Variants in NUDT3 observed in about 807,000 individuals in gnomAD.
The protein encoded by NUDT3 is diphosphoinositol polyphosphate phosphohydrolase 1.
A neutral mutation model predicts 23.6 loss-of-function variants in NUDT3; 9 were observed. The observed-to-expected ratio is 0.38, with a 90% CI of 0.23 to 0.66. NUDT3 has a LOEUF of 0.66. NUDT3 is among the 30% of genes least tolerant of loss of function. The pLI, the probability that NUDT3 is intolerant of heterozygous loss-of-function variation, is 0.52. For missense variants in NUDT3, 172 were observed against 218.5 expected (o/e 0.79, Z 1.34); for synonymous variants, 86 against 82.6 (o/e 1.04, Z -0.22).
At chr6:34,289,246 C>T (rs1763381234) in intron 4 of NUDT3, among the ~76,000 whole-genome samples, 1 of 152,116 alleles carries the variant, frequency 6.6e-6, no homozygotes, top group Non-Finnish European at 1.5e-5. Flanking sequence ...GGGATCAAAG[C>T]CCAGCAGCAT....
rs952081226 is a variant in NUDT3 at position 34,392,524 on chromosome 6, C to T, written c.-162G>A. 2 of 491,372 alleles carry T rather than the reference C, an allele frequency of 4.1e-6. No individual in the cohort carries two copies. Among genetic ancestry groups the T allele is most frequent in the Admixed American group, 4.5e-5 (1 of 22,386 alleles). 30.4% of individuals were successfully genotyped at this position (491,372 alleles called of 1,614,324 possible). A position where few individuals can be genotyped will look rare whatever the true frequency, so the allele number is the denominator to read the frequency against. The stretch of plus-strand genomic sequence containing the variant: ...TCCGCCGCTGGCCCGCCGCGGCCGC[C>T]TCATTCCCCCAGGCCCAGGTCCCGC... On this transcript the variant is annotated 5_prime_UTR_variant, in exon 1 of 5. Transcript: ENST00000607016.
intron 2 of NUDT3, among the ~76,000 whole-genome samples, chr6:34,301,259 T>C (rs1763593050): frequency 6.7e-6 from 1 of 149,044 alleles, no homozygotes; most frequent in South Asian, 2.1e-4. Flanking sequence ...CCTCCAGATA[T>C]TTTCAAGTTG....
chr6:34,392,380 G>A lies in NUDT3; in HGVS notation c.-18C>T. ...TTCATCATCCTCCGGGCCCGGGTGG[G>A]GGTGCGGTGCGGGTCGCAGGAGTCG... On this transcript the variant is annotated 5_prime_UTR_variant, in exon 1 of 5. Coordinates refer to ENST00000607016, the MANE Select transcript of NUDT3 (RefSeq NM_006703.4). The A allele has an allele frequency of 6.3e-7, 1 of 1,591,464 alleles. No homozygotes were observed. Among genetic ancestry groups the A allele is most frequent in the Non-Finnish European group, 8.5e-7 (1 of 1,170,526 alleles).
rs893736722 is a variant in NUDT3 at position 34,392,197 on chromosome 6, C to T, written c.99+67G>A. On this transcript the variant is annotated intron_variant, in intron 1 of 4. Coordinates refer to ENST00000607016, the MANE Select transcript of NUDT3 (RefSeq NM_006703.4). ...GCACACCCTCCTCCGGCGGCCGCGCCCCTCGCGCCTCCACCCGAAGGGGCC... is the reference window on the plus strand; with the variant it reads ...GCACACCCTCCTCCGGCGGCCGCGCTCCTCGCGCCTCCACCCGAAGGGGCC... 2.7e-5 allele frequency: 36 copies of T among 1,314,678 alleles called. No individual in the cohort carries two copies. The South Asian group carries it at 4.3e-4, about 16-fold the overall frequency. 81.4% of individuals were successfully genotyped at this position (1,314,678 alleles called of 1,614,324 possible). A position where few individuals can be genotyped will look rare whatever the true frequency, so the allele number is the denominator to read the frequency against.
At chr6:34,376,178 A>G (rs141724138) in intron 1 of NUDT3, among the ~76,000 whole-genome samples, 301 of 152,304 alleles carry the variant, frequency 2.0e-3, no homozygotes, top group African/African-American at 6.9e-3. Flanking sequence ...CCTCTCTTCT[A>G]AATTTCCATT....
chr6:34,311,239 C>G (rs1763767126), intron 2 of NUDT3, among the ~76,000 whole-genome samples: 1 of 152,036 alleles, frequency 6.6e-6, no homozygotes, highest in South Asian at 2.1e-4. Flanking sequence ...TTTTAGGCTG[C>G]AAGATACAAG....
At chr6:34,368,058 C>T (rs909935560) in intron 1 of NUDT3, among the ~76,000 whole-genome samples, 4 of 152,024 alleles carry the variant, frequency 2.6e-5, no homozygotes, top group East Asian at 1.9e-4. Context: ...AAAATTATCC[C>T]GGCGTGGTGG....
chr6:34,374,921 T>G (rs1253652731), intron 1 of NUDT3, among the ~76,000 whole-genome samples: 5 of 152,252 alleles, frequency 3.3e-5, no homozygotes, highest in Non-Finnish European at 7.3e-5. Flanking sequence ...TGCTCTTGAA[T>G]CAGTCCCCAA....
chr6:34,310,059 C>A (rs1047942519), intron 2 of NUDT3, among the ~76,000 whole-genome samples: 1 of 151,882 alleles, frequency 6.6e-6, no homozygotes, highest in Non-Finnish European at 1.5e-5. Flanking sequence ...ACCAGTGAGA[C>A]CCATCTCTGC....
At chr6:34,378,404 T>A (rs548362909) in intron 1 of NUDT3, among the ~76,000 whole-genome samples, 40 of 152,206 alleles carry the variant, frequency 2.6e-4, no homozygotes, top group Admixed American at 4.6e-4. Context: ...ACGTTTCTTC[T>A]GGTGCACTGG....
chr6:34,319,028 A>G (rs1280643268), intron 2 of NUDT3, among the ~76,000 whole-genome samples: 1 of 147,434 alleles, frequency 6.8e-6, no homozygotes, highest in East Asian at 2.1e-4. Context: ...AGGAAAACAG[A>G]GCTGGGACAG....
chr6:34,351,426 CAAGACCATGT>C (rs1764474231), intron 1 of NUDT3, among the ~76,000 whole-genome samples: 1 of 138,588 alleles, frequency 7.2e-6, no homozygotes, highest in African/African-American at 2.8e-5. Flanking sequence ...GGCAATAAGG[CAAGACCATGT>C]CTTTAAAAAA....
Position 34,392,638 on chromosome 6 carries a change from C to T in NUDT3, c.-276G>A, listed in dbSNP as rs1421154199. On this transcript the variant is annotated 5_prime_UTR_variant, in exon 1 of 5. Transcript: ENST00000607016. ...GCCGCCACCCCCGACGACGACCGCG[C>T]CGCCATCTTGGGCGCGATGCGTCAG... The T allele has an allele frequency of 2.6e-5, 6 of 234,376 alleles. No homozygotes were observed. The highest frequency in any genetic ancestry group is 4.1e-5 in the Non-Finnish European group (5 of 121,756). The allele number at this position is 234,376 out of a possible 1,614,324, so 14.5% of individuals were successfully genotyped here.
chr6:34,291,861 CAT>C (rs777346759), intron 4 of NUDT3, among the ~76,000 whole-genome samples: 4 of 152,266 alleles, frequency 2.6e-5, no homozygotes, highest in Admixed American at 6.5e-5. Flanking sequence ...CCATCGGACA[CAT>C]GTCATTCATT....
intron 2 of NUDT3, among the ~76,000 whole-genome samples, chr6:34,302,471 G>A (rs775897619): frequency 6.6e-6 from 1 of 152,186 alleles, no homozygotes; most frequent in Non-Finnish European, 1.5e-5. Context: ...GGTGGCTCAT[G>A]CCTGTAATCC....
rs1198898171 is a variant in NUDT3 at position 34,281,597 on chromosome 6, C to T, written c.*7156G>A. The T allele has an allele frequency of 6.6e-6, 1 of 152,224 alleles. No individual in the cohort carries two copies. The highest frequency in any genetic ancestry group is 1.5e-5 in the Non-Finnish European group (1 of 68,050). 9.4% of individuals were successfully genotyped at this position (152,224 alleles called of 1,614,324 possible). On this transcript the variant is annotated 3_prime_UTR_variant, in exon 5 of 5. Coordinates refer to ENST00000607016, the MANE Select transcript of NUDT3 (RefSeq NM_006703.4). ...ACCTGACATTTACAAAACTGTACTA[C>T]ATACTTATTTCTTTTACAGTAGAGC...
chr6:34,392,261 C>T lies in NUDT3; in HGVS notation c.99+3G>A, dbSNP rs375103637. 3.1e-6 allele frequency: 5 copies of T among 1,590,868 alleles called. No homozygotes were observed. Among genetic ancestry groups the T allele is most frequent in the Non-Finnish European group, 4.3e-6 (5 of 1,173,812 alleles). ...CCCCGGCCCGCCCAGCCTGCCGCCT[C>T]ACCTCCTCCTCGCTCTCGCTGCGGA... On this transcript the variant is annotated splice_donor_region_variant and intron_variant, in intron 1 of 4. Transcript: ENST00000607016.
rs9380428 is a variant in NUDT3 at position 34,322,331 on chromosome 6, C to T, written c.210+19531G>A. On this transcript the variant is annotated intron_variant, in intron 2 of 4. Coordinates refer to ENST00000607016, the MANE Select transcript of NUDT3 (RefSeq NM_006703.4). ...CTGCAACCTCCGCCTCCCGGGTTCACGCCATTCTCCTGCCTCAGCCTCCCG... is the reference window on the plus strand; with the variant it reads ...CTGCAACCTCCGCCTCCCGGGTTCATGCCATTCTCCTGCCTCAGCCTCCCG... Among the ~76,000 whole-genome samples the T allele has an allele frequency of 1.7e-3, 263 of 152,014 alleles. 2 individuals carry two copies. The East Asian group carries it at 0.032, about 19-fold the overall frequency.
intron 2 of NUDT3, among the ~76,000 whole-genome samples, chr6:34,315,951 G>C (rs1045738555): frequency 6.6e-6 from 1 of 152,106 alleles, no homozygotes; most frequent in East Asian, 1.9e-4. Flanking sequence ...AGGAGCTCTC[G>C]TCATCCTGGT....
Sources: allele counts gnomAD v4.1 joint callset (sites outside exome capture counted in the v4.1 genomes callset), GRCh38; gene constraint gnomAD v4.1.1; transcripts MANE v1.5; gene names NCBI Gene and HGNC (gene_info 2026-07-23, HGNC 2026-07-21).